FSD1L: variants seen among roughly 807,000 people sequenced by gnomAD.
The protein encoded by FSD1L is fibronectin type III and SPRY domain containing 1 like, also known as FSD1-like protein.
In FSD1L, 45 loss-of-function variants were observed where a neutral mutation model predicts 71.6. The observed-to-expected ratio is 0.63, with a 90% CI of 0.49 to 0.81. The LOEUF is 0.81. Among genes scored for constraint, FSD1L ranks in the 30% least tolerant of loss-of-function variants. FSD1L has a pLI of 0.00. For missense variants in FSD1L, 561 were observed against 618.1 expected, an observed-to-expected ratio of 0.91 and a Z score of 0.98; for synonymous variants, 197 against 207.2, an observed-to-expected ratio of 0.95 and a Z score of 0.42.
intron 7 of FSD1L, among the ~76,000 whole-genome samples, chr9:105,503,263 A>C (rs1422634553): frequency 1.3e-5 from 2 of 152,134 alleles, no homozygotes; most frequent in African/African-American, 4.8e-5. Context: ...GTAGCATAAA[A>C]ATTTTCTATA....
intron 10 of FSD1L, chr9:105,524,047 A>G (rs1242407152): frequency 1.2e-6 from 2 of 1,607,022 alleles, no homozygotes; most frequent in South Asian, 1.1e-5. Flanking sequence ...GCTGTGTCTC[A>G]GTTTACAGAT....
In FSD1L at chr9:105,519,167, C is replaced by T. The variant is rs181028186; in HGVS notation, c.1025+6231C>T. ...TGAAATTGAGGCAGTAATTAATAGC[C>T]TAGCAACCAAAAAAAGTCCAGGACC... On this transcript the variant is annotated intron_variant, in intron 10 of 13. Coordinates refer to ENST00000481272, the MANE Select transcript of FSD1L (RefSeq NM_001145313.3). Among the ~76,000 whole-genome samples, 49 of 152,216 alleles carry T rather than the reference C, an allele frequency of 3.2e-4. No individual in the cohort carries two copies. In the East Asian group the frequency reaches 9.1e-3, roughly 28 times the overall value.
rs1353025501 is a variant in FSD1L, at chr9:105,507,884, CTCT to C, written c.797-728_797-726del. On this transcript the variant is annotated intron_variant, in intron 8 of 13. Transcript: ENST00000481272. ...GATTCCTCTTATTTTGAGCATATCA[CTCT>C]TCTTTTTTTTTTTTTTTTTTTGAGA... Among the ~76,000 whole-genome samples the C allele has an allele frequency of 9.4e-3, 1,153 of 122,128 alleles. 15 individuals carry two copies. Among genetic ancestry groups the C allele is most frequent in the African/African-American group, 0.035 (1,105 of 31,280 alleles). The allele number at this position is 122,128 out of a possible 152,430, so 80.1% of individuals were successfully genotyped here. A position where few individuals can be genotyped will look rare whatever the true frequency, so the allele number is the denominator to read the frequency against.
intron 10 of FSD1L, among the ~76,000 whole-genome samples, chr9:105,517,401 C>A (rs1323699027): frequency 6.6e-6 from 1 of 151,256 alleles, no homozygotes; most frequent in African/African-American, 2.4e-5. Context: ...AAATGAAGGG[C>A]AGCCAGAGAG....
intron 7 of FSD1L, among the ~76,000 whole-genome samples, chr9:105,504,900 G>T (rs979804017): frequency 1.3e-5 from 2 of 152,148 alleles, no homozygotes; most frequent in Admixed American, 1.3e-4. Context: ...TTATATTTGT[G>T]GAGAATTGAG....
intron 7 of FSD1L, among the ~76,000 whole-genome samples, chr9:105,485,879 G>A (rs181454495): frequency 1.3e-5 from 2 of 151,938 alleles, no homozygotes; most frequent in South Asian, 2.1e-4. Context: ...TCCTGACCTC[G>A]TGATCCGCCC....
chr9:105,481,378 G>A (rs1051194430), intron 6 of FSD1L, among the ~76,000 whole-genome samples: 17 of 149,564 alleles, frequency 1.1e-4, no homozygotes, highest in Non-Finnish European at 2.5e-4. Flanking sequence ...TCTGCCTCCC[G>A]GGTTCAAGCG....
At chr9:105,459,886 A>G (rs549478455) in intron 1 of FSD1L, among the ~76,000 whole-genome samples, 1 of 152,322 alleles carries the variant, frequency 6.6e-6, no homozygotes, top group African/African-American at 2.4e-5. Context: ...TCTGAAAATA[A>G]TCTAGGCCTT....
intron 12 of FSD1L, among the ~76,000 whole-genome samples, chr9:105,538,387 T>C (rs1836399495): frequency 6.6e-6 from 1 of 152,132 alleles, no homozygotes; most frequent in South Asian, 2.1e-4. Context: ...GGCAGTTGAT[T>C]TATTAAGGAA....
rs1036632230 is a variant in FSD1L at position 105,448,101 on chromosome 9, C to T, written c.-120C>T. 9.8e-6 allele frequency: 11 copies of T among 1,124,722 alleles called. No homozygotes were observed. The highest frequency in any genetic ancestry group is 1.6e-5 in the African/African-American group (1 of 61,322). The allele number at this position is 1,124,722 out of a possible 1,614,324, so 69.7% of individuals were successfully genotyped here. On this transcript the variant is annotated 5_prime_UTR_variant, in exon 1 of 14. Coordinates refer to ENST00000481272, the MANE Select transcript of FSD1L (RefSeq NM_001145313.3). Reference sequence around the variant, plus strand: ...CTGGGCGCGGACGGGTGGGGCCGGGCGGTGCCGGTGCGGGCTGGGGCAGTG... The same window carrying T: ...CTGGGCGCGGACGGGTGGGGCCGGGTGGTGCCGGTGCGGGCTGGGGCAGTG...
At chr9:105,472,865 A>T (rs1564091675) in intron 5 of FSD1L, 1 of 152,262 alleles carries the variant, frequency 6.6e-6, no homozygotes, top group Non-Finnish European at 1.5e-5. Flanking sequence ...GAATCAAAAC[A>T]AAAGTTCTTT....
intron 10 of FSD1L, chr9:105,524,336 T>C (rs973127527): frequency 3.7e-6 from 6 of 1,613,832 alleles, no homozygotes; most frequent in Non-Finnish European, 5.1e-6. Flanking sequence ...CCTTGAAAAT[T>C]ATTCAGATCC....
chr9:105,449,153 G>T (rs1277304327), intron 1 of FSD1L, among the ~76,000 whole-genome samples: 1 of 152,176 alleles, frequency 6.6e-6, no homozygotes, highest in African/African-American at 2.4e-5. Flanking sequence ...TCTATTATTA[G>T]AAAGCACGGG....
chr9:105,535,298 T>C lies in FSD1L; in HGVS notation c.1358T>C (p.Val453Ala). The change falls in exon 12 of 14, where the codon GTA becomes GCA. Residue 453 changes from valine to alanine, a missense_variant. Around this residue, in one of 3 missense-constraint regions of FSD1L, gnomAD observed 98 missense variants for 102.3 expected, o/e 0.96. Transcript: ENST00000481272. ...GTTACTGTTCCTGAAAAAATAGGTG[T>C]ATTTTGTGATTTTGATGGGGGTAAG... ...LDVTVPEKIG[V>A]FCDFDGGQLS... The C allele has an allele frequency of 6.4e-7, 1 of 1,551,516 alleles. No individual in the cohort carries two copies. The highest frequency in any genetic ancestry group is 8.7e-7 in the Non-Finnish European group (1 of 1,146,906).
chr9:105,470,692 C>T (rs1407550828), intron 4 of FSD1L, among the ~76,000 whole-genome samples: 1 of 152,082 alleles, frequency 6.6e-6, no homozygotes, highest in East Asian at 1.9e-4. Context: ...TTCCAAGGAT[C>T]AGATACTGTA....
At chr9:105,483,334 C>T (rs1180402899) in intron 6 of FSD1L, among the ~76,000 whole-genome samples, 13 of 152,166 alleles carry the variant, frequency 8.5e-5, no homozygotes, top group African/African-American at 2.7e-4. Context: ...TGACATCTTT[C>T]ATTTCATTGA....
intron 7 of FSD1L, among the ~76,000 whole-genome samples, chr9:105,495,373 G>C (rs937559275): frequency 7.2e-5 from 11 of 152,094 alleles, no homozygotes; most frequent in Non-Finnish European, 8.8e-5. Context: ...ATTGGGGTGG[G>C]AATGACCTGA....
At chr9:105,451,886 CTCTT>C (rs1010728589) in intron 1 of FSD1L, among the ~76,000 whole-genome samples, 1 of 152,184 alleles carries the variant, frequency 6.6e-6, no homozygotes, top group African/African-American at 2.4e-5. Flanking sequence ...ATAGGGATCA[CTCTT>C]TCTAAGAAAG....
intron 5 of FSD1L, among the ~76,000 whole-genome samples, chr9:105,474,359 A>G (rs1831660426): frequency 6.6e-6 from 1 of 152,234 alleles, no homozygotes; most frequent in Admixed American, 6.5e-5. Flanking sequence ...TATGTGGCAC[A>G]TTACTGTATC....
Sources: gnomAD v4.1 joint callset for allele counts (sites outside exome capture counted in the v4.1 genomes callset) on GRCh38, gnomAD v4.1.1 for gene constraint, gnomAD v4.1.1 regional missense constraint, MANE v1.5 for transcripts, NCBI Gene and HGNC (gene_info 2026-07-23, HGNC 2026-07-21) for gene names.